The following NCKAP5 variants were observed in gnomAD, a reference collection of about 807,000 sequenced individuals.
The protein encoded by NCKAP5 is nck-associated protein 5.
Under a neutral mutation model 167.0 loss-of-function variants are expected in NCKAP5, and 92 were observed. That is an observed-to-expected ratio of 0.55 (90% CI 0.47 to 0.66). The LOEUF (loss-of-function observed/expected upper bound fraction) is 0.66. NCKAP5 is among the 30% of genes least tolerant of loss of function. The pLI is 0.00. For synonymous variants in NCKAP5, 891 were observed against 877.4 expected (o/e 1.02, Z -0.27); for missense variants, 2,378 against 2,315.0 (o/e 1.03, Z -0.56).
At chr2:133,074,647 C>T (rs2080536223) in intron 6 of NCKAP5, among the ~76,000 whole-genome samples, 1 of 152,224 alleles carries the variant, frequency 6.6e-6, no homozygotes, top group Non-Finnish European at 1.5e-5. Flanking sequence ...CAGGTGTGAG[C>T]CACCATGCCT....
At chr2:133,667,368 C>T in the NCKAP5 span, among the ~76,000 whole-genome samples, 1 of 151,992 alleles carries the variant, frequency 6.6e-6, no homozygotes, top group Non-Finnish European at 1.5e-5. Context: ...TCCATCTCTG[C>T]TGATTCAGCT....
the NCKAP5 span, among the ~76,000 whole-genome samples, chr2:133,625,841 C>T: frequency 1.4e-5 from 2 of 144,718 alleles, no homozygotes; most frequent in South Asian, 4.3e-4. Context: ...CACTGCACTC[C>T]AGCCTGGGTG....
At chr2:132,792,189 C>A (rs923158627) in intron 12 of NCKAP5, among the ~76,000 whole-genome samples, 4 of 152,226 alleles carry the variant, frequency 2.6e-5, no homozygotes, top group Admixed American at 2.0e-4. Flanking sequence ...ATTTTTGCTG[C>A]ATAGCAATCT....
intron 10 of NCKAP5, among the ~76,000 whole-genome samples, chr2:132,862,965 G>T (rs1228412535): frequency 6.6e-6 from 1 of 152,064 alleles, no homozygotes; most frequent in East Asian, 2.0e-4. Context: ...GGGACTACAG[G>T]CATGTGCCAC....
chr2:133,408,074 G>GAATA lies in NCKAP5; in HGVS notation c.70-104965_70-104964insTATT, dbSNP rs755032847. 7.7e-4 allele frequency among the ~76,000 whole-genome samples: 117 copies of GAATA among 152,140 alleles called. 2 individuals carry two copies. Among genetic ancestry groups the GAATA allele is most frequent in the Admixed American group, 3.3e-4 (5 of 15,278 alleles). ...TCAGAGGGTCCTGAGAACTTCAGTG[G>GAATA]TTTCCCTGGAATAGTGCAGTCCATT... is the stretch of plus-strand genomic sequence containing the variant. On this transcript the variant is annotated intron_variant, in intron 3 of 19. Transcript: ENST00000409261.
At chr2:133,620,649 A>G in the NCKAP5 span, among the ~76,000 whole-genome samples, 1 of 152,138 alleles carries the variant, frequency 6.6e-6, no homozygotes, top group Non-Finnish European at 1.5e-5. Context: ...AAGAAATAAG[A>G]CAGACAGCAA....
intron 5 of NCKAP5, among the ~76,000 whole-genome samples, chr2:133,196,135 C>A (rs566422699): frequency 1.9e-4 from 29 of 152,220 alleles, no homozygotes; most frequent in African/African-American, 7.0e-4. Flanking sequence ...GGTTTAGAAT[C>A]CCTAGGCAGT....
chr2:132,930,262 G>C lies in NCKAP5; in HGVS notation c.579+33458C>G, dbSNP rs7606910. 2.0e-5 allele frequency: 3 copies of C among 152,026 alleles called. No individual in the cohort carries two copies. The East Asian group carries it at 5.8e-4, about 29-fold the overall frequency. The allele number at this position is 152,026 out of a possible 1,614,324, so 9.4% of individuals were successfully genotyped here. ...GGGAAGGACTAAAGGGCCCCCAAGA[G>C]GCTATAGTGATGATGTGATAATTAA... is the stretch of plus-strand genomic sequence containing the variant. On this transcript the variant is annotated intron_variant, in intron 8 of 19. Coordinates refer to ENST00000409261, the MANE Select transcript of NCKAP5 (RefSeq NM_207363.3).
chr2:133,197,192 C>T (rs1291215273), intron 5 of NCKAP5, among the ~76,000 whole-genome samples: 6 of 152,180 alleles, frequency 3.9e-5, no homozygotes, highest in African/African-American at 9.7e-5. Flanking sequence ...ACCATAAAGT[C>T]GTGCATGAAG....
intron 16 of NCKAP5, among the ~76,000 whole-genome samples, chr2:132,740,273 T>C (rs945062086): frequency 4.6e-5 from 7 of 152,166 alleles, no homozygotes; most frequent in Admixed American, 2.0e-4. Flanking sequence ...ATCTTATTAA[T>C]TGGCATGCAT....
intron 3 of NCKAP5, among the ~76,000 whole-genome samples, chr2:133,379,493 G>A (rs1294471496): frequency 6.6e-6 from 1 of 152,092 alleles, no homozygotes; most frequent in Non-Finnish European, 1.5e-5. Context: ...GGATTTTCTT[G>A]TTTTCCTTAA....
chr2:133,620,768 G>A, the NCKAP5 span, among the ~76,000 whole-genome samples: 1 of 152,060 alleles, frequency 6.6e-6, no homozygotes. Context: ...TAGAACAAAT[G>A]AACTTAACAG....
At chr2:133,023,907 C>T (rs1051267393) in intron 6 of NCKAP5, among the ~76,000 whole-genome samples, 2 of 152,060 alleles carry the variant, frequency 1.3e-5, no homozygotes, top group Non-Finnish European at 2.9e-5. Flanking sequence ...CTGTGAAAAT[C>T]ATCTTATTTA....
chr2:132,933,482 C>T (rs1696599292), intron 8 of NCKAP5, among the ~76,000 whole-genome samples: 1 of 152,036 alleles, frequency 6.6e-6, no homozygotes, highest in Admixed American at 6.6e-5. Flanking sequence ...AGGTAGGAAT[C>T]CAAGGGAAAT....
intron 4 of NCKAP5, among the ~76,000 whole-genome samples, chr2:133,219,539 A>T (rs1384475647): frequency 6.6e-6 from 1 of 152,220 alleles, no homozygotes; most frequent in Non-Finnish European, 1.5e-5. Context: ...CGACAGCAAG[A>T]GCACTCCAAC....
In NCKAP5 at chr2:132,886,308, T is replaced by C. The variant is rs910495814; in HGVS notation, c.580-7392A>G. ...TACTATCTATACCTGGAGACAACTT[T>C]TTAAAAACACTTGAGAGTAAGATGA... On this transcript the variant is annotated intron_variant, in intron 8 of 19. Coordinates refer to ENST00000409261, the MANE Select transcript of NCKAP5 (RefSeq NM_207363.3). Among the ~76,000 whole-genome samples the C allele has an allele frequency of 2.6e-5, 4 of 152,374 alleles. No individual in the cohort carries two copies. The East Asian group carries it at 5.8e-4, about 22-fold the overall frequency.
At chr2:133,459,833 TTTCA>T (rs1429695172) in intron 3 of NCKAP5, among the ~76,000 whole-genome samples, 6 of 152,206 alleles carry the variant, frequency 3.9e-5, no homozygotes, top group Admixed American at 1.3e-4. Context: ...AAGCACACAC[TTTCA>T]TTAGGAAGCA....
chr2:132,857,428 C>T (rs1689558641), intron 11 of NCKAP5, among the ~76,000 whole-genome samples: 1 of 152,130 alleles, frequency 6.6e-6, no homozygotes, highest in Admixed American at 6.5e-5. Context: ...GGCAAGTATT[C>T]AGCTCAACTG....
intron 16 of NCKAP5, among the ~76,000 whole-genome samples, chr2:132,745,553 T>C (rs1157064488): frequency 6.6e-6 from 1 of 151,918 alleles, no homozygotes; most frequent in Non-Finnish European, 1.5e-5. Flanking sequence ...TTAAGAATGT[T>C]AGCTCTTACC....
Sources: allele counts gnomAD v4.1 joint callset (sites outside exome capture counted in the v4.1 genomes callset), GRCh38; gene constraint gnomAD v4.1.1; transcripts MANE v1.5; gene names NCBI Gene and HGNC (gene_info 2026-07-23, HGNC 2026-07-21).